Variants in SLCO3A1 observed in about 807,000 individuals in gnomAD.
SLCO3A1 encodes solute carrier organic anion transporter family member 3A1.
A neutral mutation model predicts 63.1 loss-of-function variants in SLCO3A1; 27 were observed. The observed-to-expected ratio is 0.43, with a 90% CI of 0.32 to 0.59. SLCO3A1 has a LOEUF of 0.59. SLCO3A1 is among the 20% of genes least tolerant of loss of function. The pLI, the probability that SLCO3A1 is intolerant of heterozygous loss-of-function variation, is 0.09. For synonymous variants in SLCO3A1, 473 were observed against 409.9 expected (o/e 1.15, Z -1.86); for missense variants, 773 against 945.8 (o/e 0.82, Z 2.40).
intron 8 of SLCO3A1, among the ~76,000 whole-genome samples, chr15:92,150,130 A>G (rs1188160263): frequency 6.6e-6 from 1 of 152,168 alleles, no homozygotes; most frequent in Non-Finnish European, 1.5e-5. Flanking sequence ...TCTGGGTCCC[A>G]AACTGAAGAA....
chr15:92,004,132 A>G (rs2046287038), intron 2 of SLCO3A1, among the ~76,000 whole-genome samples: 1 of 152,168 alleles, frequency 6.6e-6, no homozygotes, highest in African/African-American at 2.4e-5. Context: ...CTTCGTAAGT[A>G]TCAGCTTTAA....
intron 2 of SLCO3A1, among the ~76,000 whole-genome samples, chr15:91,945,466 A>T (rs1899774100): frequency 6.6e-6 from 1 of 152,206 alleles, no homozygotes; most frequent in South Asian, 2.1e-4. Context: ...GTGAATGAAT[A>T]AGTGAATACG....
chr15:92,129,539 T>C (rs980807320), intron 7 of SLCO3A1, among the ~76,000 whole-genome samples: 18 of 152,204 alleles, frequency 1.2e-4, no homozygotes, highest in Non-Finnish European at 1.9e-4. Context: ...GTTCTCACTT[T>C]ATTACGATGA....
intron 1 of SLCO3A1, among the ~76,000 whole-genome samples, chr15:91,887,727 A>G (rs1162289404): frequency 1.3e-5 from 2 of 152,214 alleles, no homozygotes; most frequent in East Asian, 3.8e-4. Flanking sequence ...AGGTAGCCAC[A>G]TGGTTTAATA....
At chr15:91,956,122 C>T (rs898712652) in intron 2 of SLCO3A1, among the ~76,000 whole-genome samples, 1 of 152,062 alleles carries the variant, frequency 6.6e-6, no homozygotes, top group African/African-American at 2.4e-5. Context: ...GGGTCAGAGG[C>T]CAGCTTTTGG....
At chr15:91,985,588 G>A (rs184993460) in intron 2 of SLCO3A1, among the ~76,000 whole-genome samples, 7 of 152,282 alleles carry the variant, frequency 4.6e-5, no homozygotes, top group Admixed American at 2.0e-4. Context: ...GCAGTTCCAC[G>A]CTCACCAACA....
At chr15:92,124,988 A>G (rs1181325418) in intron 5 of SLCO3A1, among the ~76,000 whole-genome samples, 3 of 152,198 alleles carry the variant, frequency 2.0e-5, no homozygotes, top group African/African-American at 7.2e-5. Context: ...CATCACTCCT[A>G]TACCAAGGGA....
intron 2 of SLCO3A1, among the ~76,000 whole-genome samples, chr15:91,937,602 C>T (rs1899459770): frequency 6.6e-6 from 1 of 151,752 alleles, no homozygotes; most frequent in African/African-American, 2.4e-5. Flanking sequence ...GCCTGTAATC[C>T]CAGCTACTTG....
intron 2 of SLCO3A1, among the ~76,000 whole-genome samples, chr15:92,022,193 G>A (rs2046517529): frequency 6.6e-6 from 1 of 152,192 alleles, no homozygotes; most frequent in Non-Finnish European, 1.5e-5. Flanking sequence ...GAGGAAGTTG[G>A]ATATTTAGAG....
At chr15:92,049,389 G>A (rs565240108) in intron 2 of SLCO3A1, among the ~76,000 whole-genome samples, 2 of 152,302 alleles carry the variant, frequency 1.3e-5, no homozygotes, top group South Asian at 4.1e-4. Flanking sequence ...TGTTCAGGGT[G>A]GGTTTGGTGA....
intron 2 of SLCO3A1, among the ~76,000 whole-genome samples, chr15:92,088,747 G>A (rs4290452): frequency 0.54 from 82,622 of 151,980 alleles, 23,801 homozygotes; most frequent in Non-Finnish European, 0.65. Context: ...TCATGATGCC[G>A]TCTCTCTGGC....
At chr15:91,999,771 C>A (rs766867223) in intron 2 of SLCO3A1, among the ~76,000 whole-genome samples, 2 of 152,190 alleles carry the variant, frequency 1.3e-5, no homozygotes, top group Non-Finnish European at 2.9e-5. Flanking sequence ...AGCTGGGCAA[C>A]AGAGCGAGAG....
At chr15:91,896,896 A>C (rs1015249647) in intron 1 of SLCO3A1, among the ~76,000 whole-genome samples, 2 of 152,168 alleles carry the variant, frequency 1.3e-5, no homozygotes, top group African/African-American at 4.8e-5. Context: ...TGGTACTTAG[A>C]ATATGTCTCA....
chr15:92,166,522 T>G, downstream of SLCO3A1, among the ~76,000 whole-genome samples: 1 of 152,162 alleles, frequency 6.6e-6, no homozygotes, highest in East Asian at 1.9e-4. Flanking sequence ...CCGATTCCAC[T>G]GCCCTGTGTC....
At chr15:92,117,580 A>G (rs1321487107) in intron 4 of SLCO3A1, among the ~76,000 whole-genome samples, 1 of 152,228 alleles carries the variant, frequency 6.6e-6, no homozygotes, top group East Asian at 1.9e-4. Flanking sequence ...CCACCGGGAC[A>G]TTCAAATGTA....
intron 5 of SLCO3A1, among the ~76,000 whole-genome samples, chr15:92,125,555 C>T (rs2047910891): frequency 6.6e-6 from 1 of 152,124 alleles, no homozygotes; most frequent in Non-Finnish European, 1.5e-5. Flanking sequence ...CTGGTGAATT[C>T]CGTGACCTTT....
intron 4 of SLCO3A1, among the ~76,000 whole-genome samples, chr15:92,119,331 T>C (rs1353261522): frequency 6.6e-6 from 1 of 151,904 alleles, no homozygotes; most frequent in Non-Finnish European, 1.5e-5. Context: ...AAAAATAGAG[T>C]AAAATAAAGA....
At chr15:91,905,635 T>TTTG (rs1284850071) in intron 1 of SLCO3A1, among the ~76,000 whole-genome samples, 5 of 151,756 alleles carry the variant, frequency 3.3e-5, no homozygotes, top group East Asian at 1.9e-4. Flanking sequence ...AGTTTTTTGT[T>TTTG]TTTTTTTTAA....
chr15:92,072,073 C>G (rs2047221976), intron 2 of SLCO3A1, among the ~76,000 whole-genome samples: 1 of 152,198 alleles, frequency 6.6e-6, no homozygotes, highest in Non-Finnish European at 1.5e-5. Flanking sequence ...TGCGTTTTCC[C>G]TCCTGGATTC....
Sources: gnomAD v4.1 joint callset for allele counts (sites outside exome capture counted in the v4.1 genomes callset) on GRCh38, gnomAD v4.1.1 for gene constraint, MANE v1.5 for transcripts, NCBI Gene and HGNC (gene_info 2026-07-23, HGNC 2026-07-21) for gene names.